Variants in LYVE1 observed in about 807,000 individuals in gnomAD.
LYVE1 encodes the protein lymphatic vessel endothelial hyaluronan receptor 1.
In LYVE1, 29 loss-of-function variants were observed where a neutral mutation model predicts 31.5. That is an observed-to-expected ratio of 0.92 (90% CI 0.69 to 1.26). LYVE1 has a LOEUF of 1.26. LYVE1 is among the 50% of genes most tolerant of loss of function. The pLI is 0.00. For synonymous variants in LYVE1, 134 were observed against 139.4 expected (o/e 0.96, Z 0.27); for missense variants, 376 against 380.2 (o/e 0.99, Z 0.09).
At position 10,564,182 on chromosome 11, in the gene LYVE1, G is replaced by A. The variant is rs913774512; in HGVS notation, c.257+21C>T. The A allele has an allele frequency of 5.6e-6, 9 of 1,613,748 alleles. No individual in the cohort carries two copies. The African/African-American group carries it at 1.1e-4, about 19-fold the overall frequency. On this transcript the variant is annotated intron_variant, in intron 2 of 5. Coordinates refer to ENST00000256178, the MANE Select transcript of LYVE1 (RefSeq NM_006691.4). ...CTAAAAAAGAACTCCAGCAGTGACA[G>A]TGAAACCAGCTTTTTCTCACCTGCA...
Position 10,559,107 on chromosome 11 carries a change from T to C in LYVE1, c.*4A>G, listed in dbSNP as rs1850364962. The C allele has an allele frequency of 6.2e-7, 1 of 1,612,854 alleles. No individual in the cohort carries two copies. Among genetic ancestry groups the C allele is most frequent in the Non-Finnish European group, 8.5e-7 (1 of 1,179,626 alleles). On this transcript the variant is annotated 3_prime_UTR_variant, in exon 6 of 6. Transcript: ENST00000256178. ...TCAGGTGTGTCTCCTCATTTCTGTC[T>C]CATCTAAACTTCAGCTTCCAGGCAT...
At chr11:10,563,274 G>A (rs1362495908) in intron 3 of LYVE1, among the ~76,000 whole-genome samples, 2 of 152,232 alleles carry the variant, frequency 1.3e-5, no homozygotes, top group Admixed American at 6.5e-5. Flanking sequence ...TATTTGCAAA[G>A]TGGGGATGAT....
At chr11:10,565,051 C>A (rs1850508720) in intron 1 of LYVE1, among the ~76,000 whole-genome samples, 1 of 152,166 alleles carries the variant, frequency 6.6e-6, no homozygotes, top group Non-Finnish European at 1.5e-5. Flanking sequence ...TACTTCATCT[C>A]TTTAATCTTC....
rs1049724253 is a variant in LYVE1, at chr11:10,558,076, G to T, written c.*1035C>A. On this transcript the variant is annotated 3_prime_UTR_variant, in exon 6 of 6. Coordinates refer to ENST00000256178, the MANE Select transcript of LYVE1 (RefSeq NM_006691.4). ...ATATTAGAGAAAATGAATAAGATTA[G>T]TCTCAGCAAAAATAAAAATTAGTTT... The T allele has an allele frequency of 6.6e-6, 1 of 152,104 alleles. No individual in the cohort carries two copies. Among genetic ancestry groups the T allele is most frequent in the Non-Finnish European group, 1.5e-5 (1 of 68,016 alleles). 9.4% of individuals were successfully genotyped at this position (152,104 alleles called of 1,614,324 possible).
intron 1 of LYVE1, among the ~76,000 whole-genome samples, chr11:10,566,455 C>G (rs1190135788): frequency 1.3e-5 from 2 of 152,032 alleles, no homozygotes; most frequent in Admixed American, 6.6e-5. Context: ...TTTCACAGTG[C>G]TATAAGGAAA....
In LYVE1 at chr11:10,557,612, T is replaced by C. The variant is rs1364802397; in HGVS notation, c.*1499A>G. Reference sequence around the variant, plus strand: ...CCTGGATCTCTGGCTCCCTGGTGAATTCTGAAATGGATGGAAATGGAGGGC... The same window carrying C: ...CCTGGATCTCTGGCTCCCTGGTGAACTCTGAAATGGATGGAAATGGAGGGC... On this transcript the variant is annotated 3_prime_UTR_variant, in exon 6 of 6. Transcript: ENST00000256178. 6.6e-6 allele frequency: 1 copy of C among 152,152 alleles called. No individual in the cohort carries two copies. Among genetic ancestry groups the C allele is most frequent in the African/African-American group, 2.4e-5 (1 of 41,430 alleles). 9.4% of individuals were successfully genotyped at this position (152,152 alleles called of 1,614,324 possible).
chr11:10,560,830 G>C, intron 3 of LYVE1, 30 bp from the exon 4 acceptor site: 1 of 1,541,156 alleles, frequency 6.5e-7, no homozygotes, highest in Non-Finnish European at 8.9e-7. Context: ...TGGAATAAAA[G>C]TATTGCAACA....
rs79541972 is a variant in LYVE1, at chr11:10,564,252, C to T, written c.208G>A (p.Gly70Ser). The part of the protein sequence containing the change: ...ACRLLGLSLA[G>S]KDQVETALKA... ...AAGGCTGTTTCAACTTGGTCCTTGCCGGCCAAACTTAGTCCCAGCAGCCTA... is the reference window on the plus strand; with the variant it reads ...AAGGCTGTTTCAACTTGGTCCTTGCTGGCCAAACTTAGTCCCAGCAGCCTA... The change falls in exon 2 of 6, where the codon GGC becomes AGC. Residue 70 changes from glycine (G) to serine (S), a missense_variant. Physicochemically the swap from Gly to Ser is moderately conservative, Grantham distance 56. Transcript: ENST00000256178. The T allele has an allele frequency of 9.2e-4, 1,478 of 1,614,136 alleles. 9 individuals are homozygous for T. In the African/African-American group the frequency reaches 0.016, roughly 18 times the overall value.
At chr11:10,562,534 T>A (rs1396023182) in intron 3 of LYVE1, among the ~76,000 whole-genome samples, 2 of 152,234 alleles carry the variant, frequency 1.3e-5, no homozygotes, top group African/African-American at 4.8e-5. Context: ...TCGAGAATGA[T>A]CTTGAAATCT....
rs1285255517 is a variant in LYVE1, at chr11:10,561,148, CTCTT to C, written c.398-352_398-349del. Among the ~76,000 whole-genome samples the C allele has an allele frequency of 2.0e-5, 3 of 152,340 alleles. No individual in the cohort carries two copies. The East Asian group carries it at 5.8e-4, about 29-fold the overall frequency. ...TATTCACCTTTATGACTCTTTGCCT[CTCTT>C]TATTTAGCTTACTCTGACTCATCCC... On this transcript the variant is annotated intron_variant, in intron 3 of 5. Transcript: ENST00000256178.
At chr11:10,562,437 T>A (rs1410190354) in intron 3 of LYVE1, among the ~76,000 whole-genome samples, 1 of 152,250 alleles carries the variant, frequency 6.6e-6, no homozygotes, top group Non-Finnish European at 1.5e-5. Context: ...CAAAGCCCTC[T>A]GGATCAGGGA....
chr11:10,558,976 T>G lies in LYVE1; in HGVS notation c.*135A>C, dbSNP rs1850362559. 2 of 771,100 alleles carry G rather than the reference T, an allele frequency of 2.6e-6. No homozygotes were observed. The highest frequency in any genetic ancestry group is 3.5e-5 in the South Asian group (2 of 57,388). The allele number at this position is 771,100 out of a possible 1,614,324, so 47.8% of individuals were successfully genotyped here. On this transcript the variant is annotated 3_prime_UTR_variant, in exon 6 of 6. Coordinates refer to ENST00000256178, the MANE Select transcript of LYVE1 (RefSeq NM_006691.4). ...GCACTCCATAGTCCAATGGCAGTCC[T>G]GAGCTGATTCCAGTTAGGAACCAAG... is the stretch of plus-strand genomic sequence containing the variant.
Position 10,560,541 on chromosome 11 carries a change from A to G in LYVE1, c.657T>C (p.Phe219=), listed in dbSNP as rs1409554611. 1.2e-6 allele frequency: 2 copies of G among 1,613,412 alleles called. No homozygotes were observed. The highest frequency in any genetic ancestry group is 1.7e-6 in the Non-Finnish European group (2 of 1,179,588). Residue 219 remains phenylalanine, a synonymous_variant, in exon 4 of 6, where the codon TTT becomes TTC. Coordinates refer to ENST00000256178, the MANE Select transcript of LYVE1 (RefSeq NM_006691.4). ...TSTMSTETEP[F]VENKAAFKNE... ...TCTTGAATGCTGCTTTATTTTCAACAAATGGTTCAGTTTCTGTAGACATGG... is the reference window on the plus strand; with the variant it reads ...TCTTGAATGCTGCTTTATTTTCAACGAATGGTTCAGTTTCTGTAGACATGG...
At chr11:10,567,081 T>G (rs1850557985) in intron 1 of LYVE1, among the ~76,000 whole-genome samples, 1 of 152,194 alleles carries the variant, frequency 6.6e-6, no homozygotes, top group South Asian at 2.1e-4. Context: ...AGGGCTGAAT[T>G]CAAACCCAAT....
intron 4 of LYVE1, 31 bp downstream of exon 4, chr11:10,560,464 C>T: frequency 6.5e-7 from 1 of 1,544,080 alleles, no homozygotes; most frequent in Non-Finnish European, 8.8e-7. Context: ...AACATACATA[C>T]ACACGTAACA....
At position 10,560,578 on chromosome 11, in the gene LYVE1, A is replaced by G. The variant is rs376908330; in HGVS notation, c.620T>C (p.Met207Thr). 1.2e-5 allele frequency: 20 copies of G among 1,614,032 alleles called. No homozygotes were observed. The highest frequency in any genetic ancestry group is 2.7e-5 in the African/African-American group (2 of 74,954). The change falls in exon 4 of 6, where the codon ATG becomes ACG. Residue 207 changes from methionine (M) to threonine (T), a missense_variant. Coordinates refer to ENST00000256178, the MANE Select transcript of LYVE1 (RefSeq NM_006691.4). ...KKLICVTEVF[M>T]ETSTMSTETE... ...TTCTGTAGACATGGTGCTAGTTTCCATAAAAACTTCTGTGACACAAATCAA... is the reference window on the plus strand; with the variant it reads ...TTCTGTAGACATGGTGCTAGTTTCCGTAAAAACTTCTGTGACACAAATCAA...
chr11:10,561,886 G>T (rs1850432975), intron 3 of LYVE1, among the ~76,000 whole-genome samples: 3 of 152,088 alleles, frequency 2.0e-5, no homozygotes, highest in African/African-American at 7.2e-5. Flanking sequence ...GGGTTGATGG[G>T]TGCAGCAAAC....
rs1850582738 is a variant in LYVE1 at position 10,568,320 on chromosome 11, C to T, written c.85+128G>A. On this transcript the variant is annotated intron_variant, in intron 1 of 5. Coordinates refer to ENST00000256178, the MANE Select transcript of LYVE1 (RefSeq NM_006691.4). ...ATATGGTGGTACATTTTTGGCAGAG[C>T]AGTACCACCAATTAGACCTGCTGTT... 3 of 738,246 alleles carry T rather than the reference C, an allele frequency of 4.1e-6. No individual in the cohort carries two copies. In the South Asian group the frequency reaches 8.1e-5, roughly 20 times the overall value. The allele number at this position is 738,246 out of a possible 1,614,324, so 45.7% of individuals were successfully genotyped here.
At chr11:10,563,814 C>T (rs953147589) in intron 3 of LYVE1, 126 bp downstream of exon 3, 111 of 1,214,444 alleles carry the variant, frequency 9.1e-5, no homozygotes, top group Non-Finnish European at 1.2e-4. Context: ...GAGACAGTGT[C>T]GGGAGAATTA....
Sources: allele counts gnomAD v4.1 joint callset (sites outside exome capture counted in the v4.1 genomes callset), GRCh38; gene constraint gnomAD v4.1.1; transcripts MANE v1.5; gene names NCBI Gene and HGNC (gene_info 2026-07-23, HGNC 2026-07-21).